Variants in PI4KA observed in about 807,000 individuals in gnomAD.
PI4KA encodes PI4-kinase alpha.
Under a neutral mutation model 271.4 loss-of-function variants are expected in PI4KA, and 122 were observed. The ratio of observed to expected loss-of-function variants is 0.45; its 90% CI spans 0.39 to 0.52. PI4KA has a LOEUF of 0.52. Ranked by LOEUF, PI4KA falls within the 20% of genes least tolerant of loss-of-function variation. PI4KA has a pLI of 0.00. For synonymous variants in PI4KA, 1,041 were observed against 1,078.8 expected, an observed-to-expected ratio of 0.96 and a Z score of 0.69; for missense variants, 1,969 against 2,769.1, an observed-to-expected ratio of 0.71 and a Z score of 6.48.
rs1921359098 is a variant in PI4KA, at chr22:20,813,596, G to A, written c.857-90C>T. 4 of 1,176,602 alleles carry A rather than the reference G, an allele frequency of 3.4e-6. No homozygotes were observed. The East Asian group carries it at 9.8e-5, about 29-fold the overall frequency. 72.9% of individuals were successfully genotyped at this position (1,176,602 alleles called of 1,614,324 possible). On this transcript the variant is annotated intron_variant, in intron 7 of 54. Transcript: ENST00000255882. ...GACTCCCCCAATAACCAACAAAGGT[G>A]CAGATTTTGCCTTTATTTATATCCC...
intron 23 of PI4KA, among the ~76,000 whole-genome samples, 161 bp from the exon 24 acceptor site, chr22:20,753,341 T>C (rs1294032747): frequency 6.6e-6 from 1 of 152,194 alleles, no homozygotes; most frequent in Non-Finnish European, 1.5e-5. Flanking sequence ...GATTTTAACA[T>C]CTGCAGTAAC....
chr22:20,758,326 C>T (rs1392687489), intron 23 of PI4KA, among the ~76,000 whole-genome samples: 21 of 134,036 alleles, frequency 1.6e-4, no homozygotes, highest in African/African-American at 5.6e-4. Flanking sequence ...GATCGTTCCA[C>T]TGCACTCCAG....
At chr22:20,786,934 C>T in intron 19 of PI4KA, 1 of 1,614,150 alleles carries the variant, frequency 6.2e-7, no homozygotes, top group Non-Finnish European at 8.5e-7. Flanking sequence ...CCACTGTGAC[C>T]ACGGTGGGGT....
intron 1 of PI4KA, among the ~76,000 whole-genome samples, chr22:20,846,887 C>T (rs1926334089): frequency 6.7e-6 from 1 of 150,082 alleles, no homozygotes; most frequent in South Asian, 2.1e-4. Context: ...GTGGCTCATG[C>T]CTGTAATCCC....
chr22:20,758,636 C>T (rs998195171), intron 23 of PI4KA, among the ~76,000 whole-genome samples: 6 of 151,926 alleles, frequency 3.9e-5, no homozygotes, highest in African/African-American at 1.2e-4. Flanking sequence ...GCAAGGTGGA[C>T]GGATGAGGGG....
intron 1 of PI4KA, among the ~76,000 whole-genome samples, chr22:20,856,848 T>C (rs570319331): frequency 6.6e-6 from 1 of 152,332 alleles, no homozygotes; most frequent in African/African-American, 2.4e-5. Flanking sequence ...GAGCTCAAGG[T>C]GCCCTTTTCT....
intron 47 of PI4KA, among the ~76,000 whole-genome samples, chr22:20,714,001 G>A (rs1458992196): frequency 2.0e-5 from 3 of 152,200 alleles, no homozygotes; most frequent in African/African-American, 7.2e-5. Flanking sequence ...TGTGAAGAGG[G>A]AGGCGGAGAT....
In PI4KA at chr22:20,765,678, G is replaced by A. The variant is rs762876793; in HGVS notation, c.2344C>T (p.Pro782Ser). The change falls in exon 20 of 55, where the codon CCA (proline) becomes TCA (serine). Residue 782 changes from proline to serine, a missense_variant. Pro to Ser is a moderately conservative substitution (Grantham distance 74, BLOSUM62 -1). Around this residue, in one of 13 missense-constraint regions of PI4KA, gnomAD observed 368 missense variants for 544.3 expected, o/e 0.68. Coordinates refer to ENST00000255882, the MANE Select transcript of PI4KA (RefSeq NM_058004.4). Reference protein sequence around the residue: ...PVIAVLTRRLPPIKEAKPRLQ... With the variant: ...PVIAVLTRRLSPIKEAKPRLQ... ...CGAGGCTTAGCTTCTTTGATGGGTG[G>A]CAGTCGTCGGGTGAGCTGATGTGCC... 3.1e-6 allele frequency: 5 copies of A among 1,610,250 alleles called. No individual in the cohort carries two copies. In the South Asian group the frequency reaches 5.5e-5, roughly 18 times the overall value.
intron 29 of PI4KA, among the ~76,000 whole-genome samples, chr22:20,746,880 C>A (rs1280493522): frequency 6.6e-6 from 1 of 152,238 alleles, no homozygotes; most frequent in Non-Finnish European, 1.5e-5. Flanking sequence ...GCCCCTCTCT[C>A]CCGCCGGTAT....
chr22:20,813,065 G>A (rs1921275339), intron 8 of PI4KA, among the ~76,000 whole-genome samples: 1 of 152,208 alleles, frequency 6.6e-6, no homozygotes, highest in Admixed American at 6.5e-5. Flanking sequence ...ACTGGATGCA[G>A]CCCAGCTGCT....
rs1288967072 is a variant in PI4KA at position 20,717,688 on chromosome 22, T to A, written c.5317+20A>T. 3 of 1,559,968 alleles carry A rather than the reference T, an allele frequency of 1.9e-6. No individual in the cohort carries two copies. In the African/African-American group the frequency reaches 4.1e-5, roughly 21 times the overall value. ...CTGCAGGAAGAGGTTGGTCTGAGCC[T>A]CCAGAAGCCACCTGCTCACCCGGCT... On this transcript the variant is annotated intron_variant, in intron 45 of 54. Coordinates refer to ENST00000255882, the MANE Select transcript of PI4KA (RefSeq NM_058004.4).
rs1192605115 is a variant in PI4KA, at chr22:20,752,988, C to A, written c.2902G>T (p.Ala968Ser). 6.2e-7 allele frequency: 1 copy of A among 1,614,174 alleles called. No homozygotes were observed. Among genetic ancestry groups the A allele is most frequent in the South Asian group, 1.1e-5 (1 of 91,084 alleles). ...KENEEELERH[A>S]QFLLVNFNHI... ...TTGAAGTTCACCAACAGGAACTGAG[C>A]GTGCCGCTCCAGCTCCTCCTCGTTC... The change falls in exon 25 of 55, where the codon GCT (alanine) becomes TCT (serine). Residue 968 changes from alanine to serine, a missense_variant. This residue lies in a region of PI4KA where 368 missense variants were observed against 544.3 expected (regional missense o/e 0.68). Transcript: ENST00000255882.
chr22:20,722,334 A>C (rs1255462963), intron 42 of PI4KA, among the ~76,000 whole-genome samples: 3 of 151,952 alleles, frequency 2.0e-5, no homozygotes, highest in Non-Finnish European at 4.4e-5. Flanking sequence ...TTACAGGCGC[A>C]CACCACCACA....
chr22:20,760,742 C>T (rs1439727638), intron 23 of PI4KA, among the ~76,000 whole-genome samples: 1 of 152,198 alleles, frequency 6.6e-6, no homozygotes, highest in Non-Finnish European at 1.5e-5. Flanking sequence ...TGCCTTCCTA[C>T]AGTTTCCACC....
At chr22:20,758,497 TGTTA>T (rs1220167821) in intron 23 of PI4KA, among the ~76,000 whole-genome samples, 1 of 140,134 alleles carries the variant, frequency 7.1e-6, no homozygotes, top group African/African-American at 2.7e-5. Context: ...CTATCGTTAG[TGTTA>T]GTATGTTTTA....
In PI4KA at chr22:20,744,673, G is replaced by A; in HGVS notation, c.3411C>T (p.Ser1137=). ...GCAGATTCAGGGATGCCATGAAGTT[G>A]GAGTAGTCTTTCTTCACACAGGCCG... ...ERPACVKKDY[S]NFMASLNLRN... is the part of the protein sequence containing the mutation. The change falls in exon 30 of 55, where the codon TCC becomes TCT. Residue 1137 remains serine (S), a synonymous_variant. Coordinates refer to ENST00000255882, the MANE Select transcript of PI4KA (RefSeq NM_058004.4). 1 of 1,614,204 alleles carries A rather than the reference G, an allele frequency of 6.2e-7. No homozygotes were observed. The highest frequency in any genetic ancestry group is 8.5e-7 in the Non-Finnish European group (1 of 1,180,010).
chr22:20,721,189 T>C (rs569113603), intron 43 of PI4KA, 109 bp downstream of exon 43: 98 of 1,133,738 alleles, frequency 8.6e-5, no homozygotes, highest in Non-Finnish European at 1.2e-4. Context: ...AGTGGAGGGG[T>C]CGGTGAGCTG....
At chr22:20,793,366 G>C in intron 18 of PI4KA, 123 bp from the exon 19 acceptor site, 1 of 606,048 alleles carries the variant, frequency 1.7e-6, no homozygotes, top group Non-Finnish European at 3.0e-6. Context: ...GAAATGATGA[G>C]AGATATGCAG....
At chr22:20,826,898 GT>G (rs361607) in intron 3 of PI4KA, among the ~76,000 whole-genome samples, 1,565 of 150,612 alleles carry the variant, frequency 0.01, 18 homozygotes, top group East Asian at 0.057. Context: ...TTTTAACGGG[GT>G]TTTTTTTTTG....
Sources: gnomAD v4.1 joint callset for allele counts (sites outside exome capture counted in the v4.1 genomes callset) on GRCh38, gnomAD v4.1.1 for gene constraint, gnomAD v4.1.1 regional missense constraint, MANE v1.5 for transcripts, NCBI Gene and HGNC (gene_info 2026-07-23, HGNC 2026-07-21) for gene names.